Variants in MTOR observed in about 807,000 individuals in gnomAD.
MTOR encodes serine/threonine-protein kinase mTOR.
A neutral mutation model predicts 319.8 loss-of-function variants in MTOR; 70 were observed. That is an observed-to-expected ratio of 0.22 (90% confidence interval 0.18 to 0.27). The LOEUF (loss-of-function observed/expected upper bound fraction) is 0.27, where lower values mean the gene tolerates loss of function less well. MTOR is among the 10% of genes least tolerant of loss of function. MTOR has a pLI of 1.00. For missense variants in MTOR, 1,890 were observed against 3,274.4 expected, an observed-to-expected ratio of 0.58 and a Z score of 10.32; for synonymous variants, 1,183 against 1,211.4, an observed-to-expected ratio of 0.98 and a Z score of 0.49.
At chr1:11,176,617 G>A (rs1054715262) in intron 28 of MTOR, among the ~76,000 whole-genome samples, 55 of 152,356 alleles carry the variant, frequency 3.6e-4, no homozygotes, top group African/African-American at 1.2e-3. Flanking sequence ...ATGCATCACA[G>A]CTGATGGGGC....
In MTOR at chr1:11,238,465, T is replaced by A; in HGVS notation, c.1939A>T (p.Thr647Ser). ...ACATCTGCCACCACTTGCACTGCGGTCTGGCTAACCACATGAGCATGGCCA... is the reference window on the plus strand; with the variant it reads ...ACATCTGCCACCACTTGCACTGCGGACTGGCTAACCACATGAGCATGGCCA... ...ISGHAHVVSQ[T>S]AVQVVADVLS... The change falls in exon 12 of 58, where the codon ACC becomes TCC. Residue 647 changes from threonine (T) to serine (S), a missense_variant. Thr to Ser is a moderately conservative substitution (Grantham distance 58). Coordinates refer to ENST00000361445, the MANE Select transcript of MTOR (RefSeq NM_004958.4). The A allele has an allele frequency of 1.9e-6, 3 of 1,614,194 alleles. No individual in the cohort carries two copies. In the South Asian group the frequency reaches 3.3e-5, roughly 18 times the overall value.
intron 39 of MTOR, among the ~76,000 whole-genome samples, 190 bp from the exon 40 acceptor site, chr1:11,130,028 C>T (rs1643036000): frequency 6.6e-6 from 1 of 152,218 alleles, no homozygotes. Flanking sequence ...TGTATCATAA[C>T]TGTTATTATC....
At chr1:11,217,955 G>T (rs1197317612) in intron 19 of MTOR, among the ~76,000 whole-genome samples, 1 of 152,080 alleles carries the variant, frequency 6.6e-6, no homozygotes, top group Non-Finnish European at 1.5e-5. Context: ...AGAAGAGTTT[G>T]AACATATTCC....
chr1:11,130,792 A>G lies in MTOR; in HGVS notation c.5365-15T>C, dbSNP rs1356311646. On this transcript the variant is annotated splice_polypyrimidine_tract_variant and intron_variant, in intron 38 of 57. Transcript: ENST00000361445. ...GCATGCCAGGCCTGGTTGGGGAGAA[A>G]GGCAAGGACAGACACTGGAGCTGTG... The G allele has an allele frequency of 4.5e-6, 7 of 1,554,724 alleles. No homozygotes were observed. In the South Asian group the frequency reaches 7.1e-5, roughly 16 times the overall value.
At chr1:11,171,943 G>A (rs1644827084) in intron 28 of MTOR, among the ~76,000 whole-genome samples, 1 of 151,492 alleles carries the variant, frequency 6.6e-6, no homozygotes, top group Non-Finnish European at 1.5e-5. Flanking sequence ...GCTGAGGCAG[G>A]AGAATCACTT....
At position 11,109,993 on chromosome 1, in the gene MTOR, CA is replaced by C. The variant is rs5772442; in HGVS notation, c.7367-265del. ...CAAGACCAGCCTGAGACTCCATTTG[CA>C]AAAAAAAAAAAAAAAATTTTTAAAT... On this transcript the variant is annotated intron_variant, in intron 54 of 57. Transcript: ENST00000361445. The surrounding 1 kb of genome is among the most constrained non-coding windows in gnomAD (Gnocchi z 4.0). Among the ~76,000 whole-genome samples, 407 of 129,756 alleles carry C rather than the reference CA, an allele frequency of 3.1e-3. No homozygotes were observed. Among genetic ancestry groups the C allele is most frequent in the African/African-American group, 0.01 (314 of 30,594 alleles). The allele number at this position is 129,756 out of a possible 152,430, so 85.1% of individuals were successfully genotyped here.
In MTOR at chr1:11,204,682, C is replaced by T. The variant is rs750741328; in HGVS notation, c.3823G>A (p.Val1275Ile). The stretch of plus-strand genomic sequence containing the variant: ...CATTCCAGCCAGTCATCTTTGGAGA[C>T]CCTCCTGGCAGCGCCCCAGGCCTGT... ...LQKAWGAARR[V>I]SKDDWLEWLR... Residue 1275 changes from valine (V) to isoleucine (I), a missense_variant, in exon 26 of 58, where the codon GTC (valine) becomes ATC (isoleucine). By Grantham distance (29) the Val-to-Ile change is conservative (BLOSUM62 3). Around this residue, in one of 15 missense-constraint regions of MTOR, gnomAD observed 49 missense variants for 119.1 expected, o/e 0.41. Transcript: ENST00000361445. 3.1e-6 allele frequency: 5 copies of T among 1,614,120 alleles called. No individual in the cohort carries two copies. Among genetic ancestry groups the T allele is most frequent in the Non-Finnish European group, 2.5e-6 (3 of 1,180,012 alleles).
At chr1:11,163,499 C>T (rs1181282423) in intron 29 of MTOR, among the ~76,000 whole-genome samples, 4 of 152,194 alleles carry the variant, frequency 2.6e-5, no homozygotes, top group Non-Finnish European at 5.9e-5. Context: ...AGCACCACAT[C>T]GCACTTATTC....
intron 5 of MTOR, among the ~76,000 whole-genome samples, chr1:11,254,688 T>C (rs986592158): frequency 7.2e-5 from 11 of 152,166 alleles, no homozygotes; most frequent in Non-Finnish European, 1.3e-4. Flanking sequence ...AAATGGCACT[T>C]TCTAAATTAG....
At chr1:11,246,187 A>G (rs193229377) in intron 8 of MTOR, among the ~76,000 whole-genome samples, 16 of 152,350 alleles carry the variant, frequency 1.1e-4, no homozygotes, top group Admixed American at 2.6e-4. Flanking sequence ...TAAAAAAGAG[A>G]GCAACAACAA....
intron 54 of MTOR, chr1:11,111,186 A>G (rs1641846366): frequency 2.2e-6 from 1 of 455,476 alleles, no homozygotes; most frequent in Non-Finnish European, 4.4e-6. Flanking sequence ...AATAAGGATA[A>G]ATTACCCTTT....
intron 36 of MTOR, among the ~76,000 whole-genome samples, chr1:11,137,152 TA>T (rs33927011): frequency 0.025 from 1,802 of 73,300 alleles, 36 homozygotes; most frequent in African/African-American, 0.088. Context: ...TAAATCTGAT[TA>T]AAAAAAAAAA....
At chr1:11,253,231 T>C (rs563461293) in intron 6 of MTOR, among the ~76,000 whole-genome samples, 1 of 152,306 alleles carries the variant, frequency 6.6e-6, no homozygotes, top group East Asian at 1.9e-4. Context: ...ATAAAATCCA[T>C]GCACTTTTAA....
rs1649049816 is a variant in MTOR, at chr1:11,247,823, T to A, written c.1112A>T (p.Asp371Val). The stretch of plus-strand genomic sequence containing the variant: ...AAAGGGCCTCTCACCACTTACCTGA[T>A]CAAATTTCTCCTCCATCAAGTCTCT... ...CCRDLMEEKFDQVCQWVLKCR... is the reference protein window; with the variant it reads ...CCRDLMEEKFVQVCQWVLKCR... The change falls in exon 7 of 58, where the codon GAT becomes GTT. Residue 371 changes from aspartate to valine, a missense_variant. Coordinates refer to ENST00000361445, the MANE Select transcript of MTOR (RefSeq NM_004958.4). 1.9e-6 allele frequency: 3 copies of A among 1,612,760 alleles called. No individual in the cohort carries two copies.
rs987416734 is a variant in MTOR, at chr1:11,157,262, C to T, written c.4359G>A (p.Leu1453=). 6.2e-7 allele frequency: 1 copy of T among 1,613,880 alleles called. No homozygotes were observed. Among genetic ancestry groups the T allele is most frequent in the African/African-American group, 1.3e-5 (1 of 74,924 alleles). Residue 1453 remains leucine (L), a synonymous_variant, in exon 30 of 58, where the codon CTG becomes CTA. Coordinates refer to ENST00000361445, the MANE Select transcript of MTOR (RefSeq NM_004958.4). ...CCACAAGGGCATCCTCCCACTCGTG[C>T]AGTTTCTCATACCAGGTAGCCTGGA... The part of the protein sequence containing the change: ...LEIQATWYEK[L]HEWEDALVAY...
intron 6 of MTOR, among the ~76,000 whole-genome samples, chr1:11,248,768 C>T (rs1649190665): frequency 6.6e-6 from 1 of 152,022 alleles, no homozygotes; most frequent in Non-Finnish European, 1.5e-5. Context: ...GCCAAGATTG[C>T]ACCACTGCAC....
rs1008796995 is a variant in MTOR at position 11,249,388 on chromosome 1, T to G, written c.841-1294A>C. 3.3e-5 allele frequency among the ~76,000 whole-genome samples: 5 copies of G among 151,706 alleles called. No individual in the cohort carries two copies. In the South Asian group the frequency reaches 8.3e-4, roughly 25 times the overall value. On this transcript the variant is annotated intron_variant, in intron 6 of 57. Coordinates refer to ENST00000361445, the MANE Select transcript of MTOR (RefSeq NM_004958.4). ...AGTCACCAGTGAGTCTTTTTTTTTTTGAAACTAAAACACTCCATCTTTATT... is the reference window on the plus strand; with the variant it reads ...AGTCACCAGTGAGTCTTTTTTTTTTGGAAACTAAAACACTCCATCTTTATT...
chr1:11,184,327 A>G (rs1334035024), intron 28 of MTOR, among the ~76,000 whole-genome samples: 1 of 152,220 alleles, frequency 6.6e-6, no homozygotes, highest in Non-Finnish European at 1.5e-5. Flanking sequence ...CTCAAGTGCT[A>G]TATGTACTAC....
At chr1:11,226,414 T>C (rs1646840198) in intron 19 of MTOR, 1 of 152,172 alleles carries the variant, frequency 6.6e-6, no homozygotes. Flanking sequence ...CAACAAATAT[T>C]ATACTTCATG....
Sources: gnomAD v4.1 joint callset for allele counts (sites outside exome capture counted in the v4.1 genomes callset) on GRCh38, gnomAD v4.1.1 for gene constraint, gnomAD v4.1.1 regional missense constraint, Gnocchi (gnomAD v3.1) non-coding constraint, MANE v1.5 for transcripts, NCBI Gene and HGNC (gene_info 2026-07-23, HGNC 2026-07-21) for gene names.